Variants in MAP3K1 observed in about 807,000 individuals in gnomAD.
The protein encoded by MAP3K1 is MAP/ERK kinase kinase 1.
MAP3K1 carries 36 observed loss-of-function variants against 144.2 expected under a neutral mutation model. That is an observed-to-expected ratio of 0.25 (90% CI 0.19 to 0.33). The LOEUF is 0.33. Ranked by LOEUF, MAP3K1 falls within the 10% of genes least tolerant of loss-of-function variation. The pLI is 1.00. For synonymous variants in MAP3K1, 718 were observed against 688.7 expected, an observed-to-expected ratio of 1.04 and a Z score of -0.67; for missense variants, 1,650 against 1,881.9, an observed-to-expected ratio of 0.88 and a Z score of 2.28.
chr5:56,887,351 A>G, intron 17 of MAP3K1, 27 bp from the exon 18 acceptor site: 1 of 1,613,604 alleles, frequency 6.2e-7, no homozygotes, highest in Admixed American at 1.7e-5. Context: ...TTTAACATAC[A>G]AGGTCATTTG....
At position 56,887,640 on chromosome 5, in the gene MAP3K1, C is replaced by T; in HGVS notation, c.4257+120C>T. ...ACTTACCAACTAGAAGTCCGTGGCCCTTAAAATACGGTTTTAATAATATCT... is the reference window on the plus strand; with the variant it reads ...ACTTACCAACTAGAAGTCCGTGGCCTTTAAAATACGGTTTTAATAATATCT... On this transcript the variant is annotated intron_variant, in intron 18 of 19. Coordinates refer to ENST00000399503, the MANE Select transcript of MAP3K1 (RefSeq NM_005921.2). 1.4e-5 allele frequency: 15 copies of T among 1,052,624 alleles called. No individual in the cohort carries two copies. In the South Asian group the frequency reaches 1.9e-4, roughly 13 times the overall value. 65.2% of individuals were successfully genotyped at this position (1,052,624 alleles called of 1,614,324 possible).
At chr5:56,824,353 A>C (rs1286201046) in intron 1 of MAP3K1, among the ~76,000 whole-genome samples, 2 of 152,220 alleles carry the variant, frequency 1.3e-5, no homozygotes, top group Non-Finnish European at 2.9e-5. Context: ...TTTGCTCAGG[A>C]TTGATACTTA....
chr5:56,840,251 G>T (rs1243889552), intron 1 of MAP3K1, among the ~76,000 whole-genome samples: 1 of 152,134 alleles, frequency 6.6e-6, no homozygotes, highest in Non-Finnish European at 1.5e-5. Flanking sequence ...AAGTTCAAAC[G>T]ATTCTCCTGC....
At position 56,894,981 on chromosome 5, in the gene MAP3K1, T is replaced by G. The variant is rs991943768; in HGVS notation, c.*1301T>G. 3 of 231,840 alleles carry G rather than the reference T, an allele frequency of 1.3e-5. No individual in the cohort carries two copies. Among genetic ancestry groups the G allele is most frequent in the Non-Finnish European group, 1.7e-5 (2 of 117,274 alleles). The allele number at this position is 231,840 out of a possible 1,614,324, so 14.4% of individuals were successfully genotyped here. A position where few individuals can be genotyped will look rare whatever the true frequency, so the allele number is the denominator to read the frequency against. On this transcript the variant is annotated 3_prime_UTR_variant, in exon 20 of 20. Transcript: ENST00000399503. The stretch of plus-strand genomic sequence containing the variant: ...GGAAAATGGTAGCTTTTTAATCTTT[T>G]TGTGTGTGTGTGAGTCTTTTAAATC...
chr5:56,877,330 T>G (rs1335423033), intron 10 of MAP3K1, among the ~76,000 whole-genome samples: 1 of 152,182 alleles, frequency 6.6e-6, no homozygotes, highest in Non-Finnish European at 1.5e-5. Flanking sequence ...CTGTTGTGGT[T>G]GTTTCTTCTT....
At chr5:56,873,905 A>G (rs536299738) in intron 9 of MAP3K1, among the ~76,000 whole-genome samples, 63 of 152,324 alleles carry the variant, frequency 4.1e-4, no homozygotes, top group African/African-American at 1.5e-3. Context: ...ATGAAATTTA[A>G]TGAACTATTA....
At position 56,866,062 on chromosome 5, in the gene MAP3K1, G is replaced by C. The variant is rs1402357378; in HGVS notation, c.1301+85G>C. The C allele has an allele frequency of 8.2e-6, 9 of 1,100,130 alleles. No individual in the cohort carries two copies. The Admixed American group carries it at 1.5e-4, about 18-fold the overall frequency. 68.1% of individuals were successfully genotyped at this position (1,100,130 alleles called of 1,614,324 possible). On this transcript the variant is annotated intron_variant, in intron 6 of 19. Transcript: ENST00000399503. ...ATTTTTTATATCTACTTGTTAAGTT[G>C]CTCTAAAATGATTTAATTATTGAAT...
chr5:56,864,673 G>A (rs919459799), intron 3 of MAP3K1, 61 bp from the exon 4 acceptor site: 36 of 1,575,468 alleles, frequency 2.3e-5, no homozygotes, highest in African/African-American at 2.2e-4. Context: ...ATGCCTGACC[G>A]GATAATAGTT....
At position 56,815,630 on chromosome 5, in the gene MAP3K1, T is replaced by G. The variant is rs1745921670; in HGVS notation, c.57T>G (p.Ala19=). 7.6e-7 allele frequency: 1 copy of G among 1,324,166 alleles called. No homozygotes were observed. The highest frequency in any genetic ancestry group is 9.6e-7 in the Non-Finnish European group (1 of 1,037,790). 82.0% of individuals were successfully genotyped at this position (1,324,166 alleles called of 1,614,324 possible). ...ASSSGFPGAR[A]TSPEAGGGGG... The stretch of plus-strand genomic sequence containing the variant: ...CGTCGGGATTCCCGGGCGCCAGGGC[T>G]ACGAGCCCTGAGGCAGGCGGCGGCG... The change falls in exon 1 of 20, where the codon GCT becomes GCG. Residue 19 remains alanine, a synonymous_variant. Coordinates refer to ENST00000399503, the MANE Select transcript of MAP3K1 (RefSeq NM_005921.2).
At chr5:56,829,537 C>A (rs1461516036) in intron 1 of MAP3K1, among the ~76,000 whole-genome samples, 1 of 152,098 alleles carries the variant, frequency 6.6e-6, no homozygotes, top group Non-Finnish European at 1.5e-5. Flanking sequence ...TAATTCATTG[C>A]AGAGCACACG....
chr5:56,815,622 G>A lies in MAP3K1; in HGVS notation c.49G>A (p.Ala17Thr), dbSNP rs1178927964. The A allele has an allele frequency of 3.0e-6, 4 of 1,313,030 alleles. No homozygotes were observed. The highest frequency in any genetic ancestry group is 3.6e-5 in the Admixed American group (1 of 27,422). 81.3% of individuals were successfully genotyped at this position (1,313,030 alleles called of 1,614,324 possible). ...CGCCTCGTCGTCGGGATTCCCGGGCGCCAGGGCTACGAGCCCTGAGGCAGG... is the reference window on the plus strand; with the variant it reads ...CGCCTCGTCGTCGGGATTCCCGGGCACCAGGGCTACGAGCCCTGAGGCAGG... ...NRASSSGFPG[A>T]RATSPEAGGG... is the part of the protein sequence containing the mutation. The change falls in exon 1 of 20, where the codon GCC (alanine) becomes ACC (threonine). Residue 17 changes from alanine to threonine, a missense_variant. Transcript: ENST00000399503.
chr5:56,815,617 C>G lies in MAP3K1; in HGVS notation c.44C>G (p.Pro15Arg), dbSNP rs765282250. The change falls in exon 1 of 20, where the codon CCG becomes CGG. Residue 15 changes from proline to arginine, a missense_variant. Physicochemically the swap from Pro to Arg is moderately radical, Grantham distance 103. Coordinates refer to ENST00000399503, the MANE Select transcript of MAP3K1 (RefSeq NM_005921.2). ...AGNRASSSGFPGARATSPEAG... is the reference protein window; with the variant it reads ...AGNRASSSGFRGARATSPEAG... ...AATCGCGCCTCGTCGTCGGGATTCC[C>G]GGGCGCCAGGGCTACGAGCCCTGAG... is the stretch of plus-strand genomic sequence containing the variant. 1.2e-4 allele frequency: 157 copies of G among 1,312,112 alleles called. No homozygotes were observed. The highest frequency in any genetic ancestry group is 1.4e-4 in the Non-Finnish European group (144 of 1,031,486). The allele number at this position is 1,312,112 out of a possible 1,614,324, so 81.3% of individuals were successfully genotyped here.
intron 15 of MAP3K1, 80 bp from the exon 16 acceptor site, chr5:56,884,584 G>C: frequency 7.6e-7 from 1 of 1,322,440 alleles, no homozygotes; most frequent in Non-Finnish European, 1.1e-6. Context: ...CTAATAAAGT[G>C]CTAGTTTGCA....
chr5:56,845,196 C>T (rs1746952123), intron 1 of MAP3K1, among the ~76,000 whole-genome samples: 2 of 152,090 alleles, frequency 1.3e-5, no homozygotes, highest in South Asian at 2.1e-4. Flanking sequence ...TGTATTATGC[C>T]ATAACCTACA....
At chr5:56,852,822 G>A (rs1294679489) in intron 1 of MAP3K1, among the ~76,000 whole-genome samples, 2 of 152,060 alleles carry the variant, frequency 1.3e-5, no homozygotes, top group East Asian at 1.9e-4. Context: ...GTTTAGATTA[G>A]CTTTGGTTAA....
chr5:56,880,475 A>G (rs1265784007), intron 11 of MAP3K1, among the ~76,000 whole-genome samples: 5 of 152,186 alleles, frequency 3.3e-5, no homozygotes, highest in Admixed American at 6.5e-5. Flanking sequence ...GCAAAGAGCC[A>G]TTGTTGAAAA....
In MAP3K1 at chr5:56,882,281, A is replaced by T. The variant is rs1179566159; in HGVS notation, c.3081A>T (p.Leu1027=). 6.2e-7 allele frequency: 1 copy of T among 1,614,146 alleles called. No homozygotes were observed. The highest frequency in any genetic ancestry group is 8.5e-7 in the Non-Finnish European group (1 of 1,180,018). ...ASPQTQRKFS[L]QFHRNCPENK... ...CTCAAACACAGCGCAAGTTTTCTCTACAATTCCACAGAAACTGTCCTGAAA... is the reference window on the plus strand; with the variant it reads ...CTCAAACACAGCGCAAGTTTTCTCTTCAATTCCACAGAAACTGTCCTGAAA... Residue 1027 remains leucine, a synonymous_variant, in exon 14 of 20, where the codon CTA becomes CTT. Coordinates refer to ENST00000399503, the MANE Select transcript of MAP3K1 (RefSeq NM_005921.2).
At position 56,816,066 on chromosome 5, in the gene MAP3K1, C is replaced by T. The variant is rs1745944001; in HGVS notation, c.482+11C>T. 3 of 1,210,960 alleles carry T rather than the reference C, an allele frequency of 2.5e-6. No individual in the cohort carries two copies. Among genetic ancestry groups the T allele is most frequent in the Non-Finnish European group, 3.1e-6 (3 of 975,420 alleles). The allele number at this position is 1,210,960 out of a possible 1,614,324, so 75.0% of individuals were successfully genotyped here. A position where few individuals can be genotyped will look rare whatever the true frequency, so the allele number is the denominator to read the frequency against. On this transcript the variant is annotated intron_variant, in intron 1 of 19. Coordinates refer to ENST00000399503, the MANE Select transcript of MAP3K1 (RefSeq NM_005921.2). ...AGCGGCCCCCGCCGGGTGAGCAGCA[C>T]GGCCGGGGTCGCGGCGGGGACTTGG...
intron 1 of MAP3K1, among the ~76,000 whole-genome samples, chr5:56,824,933 T>TTA (rs1561162646): frequency 2.6e-5 from 4 of 151,372 alleles, no homozygotes; most frequent in Admixed American, 6.6e-5. Context: ...TCCGGTTTTT[T>TTA]AAAAAAAATT....
Sources: allele counts gnomAD v4.1 joint callset (sites outside exome capture counted in the v4.1 genomes callset), GRCh38; gene constraint gnomAD v4.1.1; transcripts MANE v1.5; gene names NCBI Gene and HGNC (gene_info 2026-07-23, HGNC 2026-07-21).